Variants in GLRA1 observed in about 807,000 individuals in gnomAD.
GLRA1 encodes the protein glycine receptor subunit alpha-1.
GLRA1 carries 37 observed loss-of-function variants against 48.3 expected under a neutral mutation model. That is an observed-to-expected ratio of 0.77 (90% CI 0.59 to 1.01). The LOEUF (loss-of-function observed/expected upper bound fraction) is 1.01. Among genes scored for constraint, GLRA1 ranks in the 50% least tolerant of loss-of-function variants. GLRA1 has a pLI of 0.00. For synonymous variants in GLRA1, 196 were observed against 210.7 expected, an observed-to-expected ratio of 0.93 and a Z score of 0.60; for missense variants, 427 against 571.0, an observed-to-expected ratio of 0.75 and a Z score of 2.57.
chr5:151,922,151 G>C (rs1213267805), intron 1 of GLRA1, among the ~76,000 whole-genome samples: 1 of 152,120 alleles, frequency 6.6e-6, no homozygotes, highest in Non-Finnish European at 1.5e-5. Context: ...GGAGTACCTG[G>C]GTGACTGAGA....
intron 7 of GLRA1, among the ~76,000 whole-genome samples, chr5:151,849,248 TC>T (rs1561554780): frequency 0.012 from 1,213 of 99,046 alleles, 86 homozygotes; most frequent in African/African-American, 0.049. Flanking sequence ...CTTCCTTCCT[TC>T]CCTTCTTTCT....
Position 151,924,704 on chromosome 5 carries a change from T to G in GLRA1, c.-155A>C. 1 of 709,140 alleles carries G rather than the reference T, an allele frequency of 1.4e-6. No individual in the cohort carries two copies. Among genetic ancestry groups the G allele is most frequent in the South Asian group, 1.5e-5 (1 of 67,282 alleles). 43.9% of individuals were successfully genotyped at this position (709,140 alleles called of 1,614,324 possible). ...CGCGGAGGGAGAGCCCCAGGGGAAATTGGAGCGAGGGGGTCGTAGATACCA... is the reference window on the plus strand; with the variant it reads ...CGCGGAGGGAGAGCCCCAGGGGAAAGTGGAGCGAGGGGGTCGTAGATACCA... On this transcript the variant is annotated 5_prime_UTR_variant, in exon 1 of 9. Transcript: ENST00000274576.
At position 151,891,217 on chromosome 5, in the gene GLRA1, T is replaced by C. The variant is rs79440282; in HGVS notation, c.184+1094A>G. ...CAGAGTGCATAGGCTCCGAAGGAGGTCCTTAAGACTGCACCTGCAGGGCTC... is the reference window on the plus strand; with the variant it reads ...CAGAGTGCATAGGCTCCGAAGGAGGCCCTTAAGACTGCACCTGCAGGGCTC... On this transcript the variant is annotated intron_variant, in intron 2 of 8. Transcript: ENST00000274576. Among the ~76,000 whole-genome samples the C allele has an allele frequency of 1.6e-3, 251 of 152,132 alleles. 1 individual carries two copies. The highest frequency in any genetic ancestry group is 0.014 in the East Asian group (73 of 5,160).
At chr5:151,864,700 A>C (rs1158511610) in intron 3 of GLRA1, among the ~76,000 whole-genome samples, 1 of 152,136 alleles carries the variant, frequency 6.6e-6, no homozygotes, top group East Asian at 1.9e-4. Context: ...TCCTAGCAAG[A>C]CCGAATCACC....
At chr5:151,867,571 A>G (rs1019032525) in intron 3 of GLRA1, among the ~76,000 whole-genome samples, 7 of 152,200 alleles carry the variant, frequency 4.6e-5, no homozygotes, top group African/African-American at 1.7e-4. Context: ...AGGCCCTACT[A>G]TACAACAGGC....
At chr5:151,873,605 A>C (rs571028035) in intron 3 of GLRA1, among the ~76,000 whole-genome samples, 208 of 151,216 alleles carry the variant, frequency 1.4e-3, no homozygotes, top group African/African-American at 4.5e-3. Context: ...GGTTGCAGTG[A>C]GCCGAGATTG....
At chr5:151,835,502 A>G (rs950280533) in intron 7 of GLRA1, among the ~76,000 whole-genome samples, 1 of 152,208 alleles carries the variant, frequency 6.6e-6, no homozygotes, top group Non-Finnish European at 1.5e-5. Context: ...GCAGAGACAC[A>G]ACAAAAAAAG....
intron 5 of GLRA1, 80 bp from the exon 6 acceptor site, chr5:151,855,257 G>T: frequency 7.4e-7 from 1 of 1,343,146 alleles, no homozygotes; most frequent in Non-Finnish European, 1.1e-6. Flanking sequence ...TAGGGTTAGA[G>T]ACTGAGAGAG....
intron 1 of GLRA1, among the ~76,000 whole-genome samples, chr5:151,918,450 G>A (rs199898915): frequency 1.1e-3 from 175 of 152,276 alleles, no homozygotes; most frequent in Non-Finnish European, 2.2e-3. Flanking sequence ...TTCTTAAAAC[G>A]AGGCTTTTGC....
At chr5:151,920,726 G>A (rs1306123206) in intron 1 of GLRA1, among the ~76,000 whole-genome samples, 2 of 151,998 alleles carry the variant, frequency 1.3e-5, no homozygotes, top group African/African-American at 2.4e-5. Flanking sequence ...CTTGCCCAAG[G>A]AACTTCATTC....
rs1156706179 is a variant in GLRA1, at chr5:151,892,292, G to T, written c.184+19C>A. On this transcript the variant is annotated intron_variant, in intron 2 of 8. Coordinates refer to ENST00000274576, the MANE Select transcript of GLRA1 (RefSeq NM_000171.4). ...GGGAAAGCATTTCCCTGTGGGTCTG[G>T]AAGGAATATTTTCTCTACCTTTAAA... 3.1e-6 allele frequency: 5 copies of T among 1,612,220 alleles called. No individual in the cohort carries two copies. Among genetic ancestry groups the T allele is most frequent in the Non-Finnish European group, 4.2e-6 (5 of 1,178,332 alleles).
chr5:151,906,381 C>T (rs1185511237), intron 1 of GLRA1, among the ~76,000 whole-genome samples: 1 of 152,152 alleles, frequency 6.6e-6, no homozygotes, highest in East Asian at 1.9e-4. Flanking sequence ...GCAGGAAATA[C>T]CGGATGTGGG....
chr5:151,881,396 T>C (rs1247134113), intron 3 of GLRA1, among the ~76,000 whole-genome samples: 2 of 150,470 alleles, frequency 1.3e-5, no homozygotes, highest in Non-Finnish European at 1.5e-5. Flanking sequence ...CACAGCTCAC[T>C]GCAGCCTTGA....
At chr5:151,834,441 C>T (rs773358098) in intron 7 of GLRA1, among the ~76,000 whole-genome samples, 5 of 152,108 alleles carry the variant, frequency 3.3e-5, no homozygotes, top group Admixed American at 6.5e-5. Flanking sequence ...AACAAAGACA[C>T]AACATACCAG....
At chr5:151,886,948 C>A (rs914444860) in intron 2 of GLRA1, among the ~76,000 whole-genome samples, 160 bp from the exon 3 acceptor site, 6 of 152,178 alleles carry the variant, frequency 3.9e-5, no homozygotes, top group Admixed American at 1.3e-4. Flanking sequence ...GATTCCCAGC[C>A]ACCATTTAAC....
chr5:151,884,675 A>G (rs1753851816), intron 3 of GLRA1, among the ~76,000 whole-genome samples: 1 of 152,194 alleles, frequency 6.6e-6, no homozygotes, highest in African/African-American at 2.4e-5. Context: ...GTATGAAGGA[A>G]TTAAGTCTCT....
intron 1 of GLRA1, among the ~76,000 whole-genome samples, chr5:151,900,419 A>C (rs938274459): frequency 1.3e-5 from 2 of 152,186 alleles, no homozygotes; most frequent in African/African-American, 4.8e-5. Flanking sequence ...ATTTTTAAAA[A>C]GCTTTTTTGT....
chr5:151,868,589 A>G (rs1753396591), intron 3 of GLRA1, among the ~76,000 whole-genome samples: 1 of 152,186 alleles, frequency 6.6e-6, no homozygotes, highest in South Asian at 2.1e-4. Context: ...ACTACCCATG[A>G]TATCCCAGAT....
intron 4 of GLRA1, among the ~76,000 whole-genome samples, chr5:151,859,565 G>T (rs1428436495): frequency 1.3e-5 from 2 of 152,126 alleles, no homozygotes; most frequent in African/African-American, 2.4e-5. Context: ...AGTCTCCTTG[G>T]TTATAATAAA....
Sources: allele counts gnomAD v4.1 joint callset (sites outside exome capture counted in the v4.1 genomes callset), GRCh38; gene constraint gnomAD v4.1.1; transcripts MANE v1.5; gene names NCBI Gene and HGNC (gene_info 2026-07-23, HGNC 2026-07-21).